Variants in CERK observed in about 807,000 individuals in gnomAD.
The protein encoded by CERK is ceramide kinase.
A neutral mutation model predicts 63.4 loss-of-function variants in CERK; 39 were observed. That is an observed-to-expected ratio of 0.61 (90% CI 0.48 to 0.80). The LOEUF (loss-of-function observed/expected upper bound fraction) is 0.80, where lower values mean the gene tolerates loss of function less well. Among genes scored for constraint, CERK ranks in the 30% least tolerant of loss-of-function variants. The pLI, the probability that CERK is intolerant of heterozygous loss-of-function variation, is 0.00. For missense variants in CERK, 670 were observed against 714.1 expected (o/e 0.94, Z 0.70); for synonymous variants, 302 against 280.0 (o/e 1.08, Z -0.78).
In CERK at chr22:46,693,450, G is replaced by C; in HGVS notation, c.1103C>G (p.Ala368Gly). The C allele has an allele frequency of 6.2e-7, 1 of 1,614,118 alleles. No individual in the cohort carries two copies. Among genetic ancestry groups the C allele is most frequent in the Non-Finnish European group, 8.5e-7 (1 of 1,179,994 alleles). ...KQQLEEEQKKALYGLEAAEDV... is the reference protein window; with the variant it reads ...KQQLEEEQKKGLYGLEAAEDV... ...ACCCGCAGCTTCCAAACCATACAGT[G>C]CTTTCTTCTGCTCCTCCTCCAGCTG... is the stretch of plus-strand genomic sequence containing the variant. The change falls in exon 10 of 13, where the codon GCA becomes GGA. Residue 368 changes from alanine to glycine, a missense_variant. By Grantham distance (60) the Ala-to-Gly change is moderately conservative. Transcript: ENST00000216264.
At chr22:46,737,924 A>C in intron 1 of CERK, 83 bp downstream of exon 1, 1 of 932,420 alleles carries the variant, frequency 1.1e-6, no homozygotes, top group Admixed American at 5.4e-5. Flanking sequence ...CGCTCCCTGC[A>C]CCCGGTCCCC....
intron 6 of CERK, among the ~76,000 whole-genome samples, chr22:46,702,720 C>T (rs747413022): frequency 1.3e-5 from 2 of 152,266 alleles, no homozygotes; most frequent in Admixed American, 6.5e-5. Flanking sequence ...TGAACGGGGC[C>T]GGCTGCGGCT....
intron 8 of CERK, among the ~76,000 whole-genome samples, chr22:46,697,799 CT>C (rs1477990822): frequency 6.6e-6 from 1 of 152,262 alleles, no homozygotes; most frequent in Non-Finnish European, 1.5e-5. Flanking sequence ...GCCACTGCCC[CT>C]GGCCAATTCT....
At chr22:46,694,200 C>T (rs1368013443) in intron 9 of CERK, among the ~76,000 whole-genome samples, 1 of 152,182 alleles carries the variant, frequency 6.6e-6, no homozygotes, top group Non-Finnish European at 1.5e-5. Flanking sequence ...CACAAAGGCG[C>T]AGCTGTCTCC....
At chr22:46,701,431 C>G (rs1269075063) in intron 7 of CERK, among the ~76,000 whole-genome samples, 4 of 152,276 alleles carry the variant, frequency 2.6e-5, no homozygotes, top group Admixed American at 2.6e-4. Flanking sequence ...GGCGTGCCCC[C>G]AGGAAGCCCG....
rs376847436 is a variant in CERK, at chr22:46,687,168, A to G, written c.1580T>C (p.Ile527Thr). 2.4e-5 allele frequency: 38 copies of G among 1,614,046 alleles called. No homozygotes were observed. The highest frequency in any genetic ancestry group is 4.5e-5 in the East Asian group (2 of 44,894). ...CQLVRLFARG[I>T]EENPKPDSHS ...TGAGTCTGGCTTCGGATTCTCTTCA[A>G]TTCCTCGTGCAAAGAGTCGAACCAG... Residue 527 changes from isoleucine (I) to threonine (T), a missense_variant, in exon 13 of 13, where the codon ATT becomes ACT. Transcript: ENST00000216264.
chr22:46,695,182 A>C, intron 9 of CERK, 28 bp downstream of exon 9: 4 of 1,118,630 alleles, frequency 3.6e-6, no homozygotes, highest in Non-Finnish European at 4.0e-6. Flanking sequence ...GTCATTTGCA[A>C]GAGAAACACA....
At chr22:46,736,078 TC>T (rs1287070539) in intron 1 of CERK, among the ~76,000 whole-genome samples, 1 of 152,086 alleles carries the variant, frequency 6.6e-6, no homozygotes, top group East Asian at 1.9e-4. Context: ...GCCCTCCCTC[TC>T]CAAGAGGGAC....
At chr22:46,733,476 T>C (rs2146598154) in intron 1 of CERK, among the ~76,000 whole-genome samples, 1 of 150,982 alleles carries the variant, frequency 6.6e-6, no homozygotes, top group East Asian at 2.0e-4. Context: ...GTATTTTTAG[T>C]AGAGACAGGG....
In CERK at chr22:46,711,216, C is replaced by T. The variant is rs576489273; in HGVS notation, c.506-67G>A. 8.1e-5 allele frequency: 98 copies of T among 1,211,974 alleles called. 3 individuals are homozygous for T. The South Asian group carries it at 1.2e-3, about 14-fold the overall frequency. 75.1% of individuals were successfully genotyped at this position (1,211,974 alleles called of 1,614,324 possible). ...GTGAGTCCTCACGTAAAAGGCAAAT[C>T]ATCCATTCTTTTAAAATGAGTTCCT... is the stretch of plus-strand genomic sequence containing the variant. On this transcript the variant is annotated intron_variant, in intron 4 of 12. Transcript: ENST00000216264.
At chr22:46,736,908 C>A (rs2082976717) in intron 1 of CERK, among the ~76,000 whole-genome samples, 1 of 152,232 alleles carries the variant, frequency 6.6e-6, no homozygotes, top group African/African-American at 2.4e-5. Context: ...CGAATATCCA[C>A]CAGAGAATCT....
At chr22:46,687,227 G>C in intron 12 of CERK, 21 bp from the exon 13 acceptor site, 5 of 1,610,484 alleles carry the variant, frequency 3.1e-6, no homozygotes, top group South Asian at 1.1e-5. Flanking sequence ...AAGCGGCCAC[G>C]TGTAAACCCC....
chr22:46,720,486 G>A (rs1239219406), intron 2 of CERK, among the ~76,000 whole-genome samples: 1 of 152,152 alleles, frequency 6.6e-6, no homozygotes, highest in Non-Finnish European at 1.5e-5. Flanking sequence ...CCTGAGGTCA[G>A]GAGTTCAAGA....
intron 3 of CERK, among the ~76,000 whole-genome samples, chr22:46,712,974 A>G (rs1188666535): frequency 1.3e-5 from 2 of 151,152 alleles, no homozygotes; most frequent in African/African-American, 4.9e-5. Context: ...CCTCCTGAGT[A>G]GCTGGGACTA....
chr22:46,699,514 C>A, intron 7 of CERK, 49 bp from the exon 8 acceptor site: 7 of 1,586,156 alleles, frequency 4.4e-6, no homozygotes, highest in Non-Finnish European at 6.1e-6. Flanking sequence ...TCCAGCCCCG[C>A]CCCATCCACT....
At chr22:46,711,510 A>G (rs1290984490) in intron 4 of CERK, among the ~76,000 whole-genome samples, 1 of 152,220 alleles carries the variant, frequency 6.6e-6, no homozygotes, top group Non-Finnish European at 1.5e-5. Flanking sequence ...AGAAGATGTT[A>G]GTGCAGTCTC....
chr22:46,709,291 G>C (rs546985168), intron 5 of CERK, among the ~76,000 whole-genome samples: 1 of 152,332 alleles, frequency 6.6e-6, no homozygotes, highest in South Asian at 2.1e-4. Context: ...AGGCGAGGCT[G>C]ATCCCTTGGC....
chr22:46,690,324 A>G, intron 11 of CERK, 124 bp from the exon 12 acceptor site: 1 of 670,974 alleles, frequency 1.5e-6, no homozygotes, highest in Non-Finnish European at 2.5e-6. Flanking sequence ...CCCTTCTCGG[A>G]GGATGCGACT....
chr22:46,713,760 G>A (rs940827412), intron 3 of CERK, among the ~76,000 whole-genome samples: 3 of 152,162 alleles, frequency 2.0e-5, no homozygotes, highest in African/African-American at 7.2e-5. Flanking sequence ...AGGAGCACAC[G>A]TAAAACTTCT....
Sources: allele counts gnomAD v4.1 joint callset (sites outside exome capture counted in the v4.1 genomes callset), GRCh38; gene constraint gnomAD v4.1.1; transcripts MANE v1.5; gene names NCBI Gene and HGNC (gene_info 2026-07-23, HGNC 2026-07-21).